The following DPP10 variants were observed in gnomAD, a reference collection of about 807,000 sequenced individuals.
DPP10 encodes the protein inactive dipeptidyl peptidase 10.
A neutral mutation model predicts 120.9 loss-of-function variants in DPP10; 33 were observed. That is an observed-to-expected ratio of 0.27 (90% CI 0.21 to 0.37). DPP10 has a LOEUF of 0.37. Ranked by LOEUF, DPP10 falls within the 10% of genes least tolerant of loss-of-function variation. The pLI, the probability that DPP10 is intolerant of heterozygous loss-of-function variation, is 1.00. For missense variants in DPP10, 816 were observed against 942.8 expected (o/e 0.87, Z 1.76); for synonymous variants, 337 against 326.1 (o/e 1.03, Z -0.36).
At chr2:114,992,273 G>A (rs1225249331) in intron 1 of DPP10, among the ~76,000 whole-genome samples, 5 of 152,058 alleles carry the variant, frequency 3.3e-5, no homozygotes, top group Non-Finnish European at 7.4e-5. Flanking sequence ...TTACTGTTTC[G>A]GCTGGTGTTT....
At chr2:115,122,861 C>T (rs2049894032) in intron 1 of DPP10, among the ~76,000 whole-genome samples, 2 of 152,296 alleles carry the variant, frequency 1.3e-5, no homozygotes, top group Admixed American at 6.5e-5. Flanking sequence ...CAAGGTCCTT[C>T]CCAACCCCAT....
At chr2:114,696,394 A>G (rs1700070346) in intron 1 of DPP10, among the ~76,000 whole-genome samples, 1 of 152,066 alleles carries the variant, frequency 6.6e-6, no homozygotes, top group Admixed American at 6.6e-5. Context: ...TGAACACACT[A>G]CAATGTTCTG....
intron 1 of DPP10, among the ~76,000 whole-genome samples, chr2:114,469,565 T>C (rs1176615794): frequency 6.6e-6 from 1 of 151,930 alleles, no homozygotes; most frequent in East Asian, 1.9e-4. Flanking sequence ...CCGTGTCTAC[T>C]AAAAATACAA....
At chr2:115,540,997 G>A (rs956379138) in intron 5 of DPP10, among the ~76,000 whole-genome samples, 15 of 151,720 alleles carry the variant, frequency 9.9e-5, no homozygotes, top group African/African-American at 3.1e-4. Context: ...CTAAGCAAAA[G>A]CATTTTTGTA....
chr2:114,837,325 G>T (rs371808909), intron 1 of DPP10, among the ~76,000 whole-genome samples: 1 of 152,020 alleles, frequency 6.6e-6, no homozygotes, highest in Non-Finnish European at 1.5e-5. Context: ...GTCTTCAGCC[G>T]GTCCCTCCGT....
intron 1 of DPP10, among the ~76,000 whole-genome samples, chr2:114,674,990 A>G (rs1698578607): frequency 6.6e-6 from 1 of 152,190 alleles, no homozygotes; most frequent in African/African-American, 2.4e-5. Flanking sequence ...GTAACCCTTC[A>G]CTTCATGGGT....
intron 1 of DPP10, among the ~76,000 whole-genome samples, chr2:114,508,988 T>C (rs1319573917): frequency 6.6e-6 from 1 of 151,302 alleles, no homozygotes; most frequent in Non-Finnish European, 1.5e-5. Context: ...ACATCTCCAG[T>C]GTGAGGAAAG....
At chr2:115,267,291 A>G (rs2105788423) in intron 1 of DPP10, among the ~76,000 whole-genome samples, 1 of 152,318 alleles carries the variant, frequency 6.6e-6, no homozygotes, top group South Asian at 2.1e-4. Flanking sequence ...AATTTAGCTT[A>G]CTAATTTCGA....
chr2:114,926,704 A>C (rs1397785846), intron 1 of DPP10, among the ~76,000 whole-genome samples: 1 of 152,098 alleles, frequency 6.6e-6, no homozygotes, highest in African/African-American at 2.4e-5. Flanking sequence ...TTAATATGGA[A>C]TCACACCCCT....
At chr2:114,774,183 A>G (rs1174896708) in intron 1 of DPP10, among the ~76,000 whole-genome samples, 2 of 152,060 alleles carry the variant, frequency 1.3e-5, no homozygotes, top group South Asian at 2.1e-4. Flanking sequence ...AATAAATAGT[A>G]TTTCTGTCCT....
intron 1 of DPP10, among the ~76,000 whole-genome samples, chr2:115,089,667 CAA>C (rs1709076518): frequency 6.6e-6 from 1 of 152,134 alleles, no homozygotes; most frequent in Non-Finnish European, 1.5e-5. Context: ...CAGAAGAACA[CAA>C]GAGCAGAATC....
At chr2:115,324,093 C>T (rs574067492) in intron 2 of DPP10, among the ~76,000 whole-genome samples, 5 of 152,100 alleles carry the variant, frequency 3.3e-5, no homozygotes, top group South Asian at 2.1e-4. Context: ...CTGGCTAACA[C>T]GATGAGAATC....
intron 1 of DPP10, among the ~76,000 whole-genome samples, chr2:114,649,055 T>TG (rs1696365571): frequency 1.3e-5 from 2 of 152,244 alleles, no homozygotes; most frequent in Non-Finnish European, 2.9e-5. Context: ...TAGAATGTGC[T>TG]GGTAATTTAC....
Position 114,587,301 on chromosome 2 carries a change from CAAA to C in DPP10, c.60+144481_60+144483del, listed in dbSNP as rs11364968. On this transcript the variant is annotated intron_variant, in intron 1 of 25. Transcript: ENST00000410059. ...GGGCAATAGGAGTGAAACTCCATCT[CAAA>C]AAAAAAAAAAAAAAAAATACACACA... 1.3e-3 allele frequency among the ~76,000 whole-genome samples: 133 copies of C among 103,178 alleles called. 1 individual carries two copies. The highest frequency in any genetic ancestry group is 5.1e-3 in the Middle Eastern group (1 of 196). The allele number at this position is 103,178 out of a possible 152,430, so 67.7% of individuals were successfully genotyped here. A position where few individuals can be genotyped will look rare whatever the true frequency, so the allele number is the denominator to read the frequency against.
At chr2:114,739,415 G>C (rs190797816) in intron 1 of DPP10, among the ~76,000 whole-genome samples, 1 of 152,146 alleles carries the variant, frequency 6.6e-6, no homozygotes, top group East Asian at 1.9e-4. Flanking sequence ...TCCCAGCACT[G>C]TGGGAGGCCA....
chr2:115,478,262 G>C (rs999512509), intron 3 of DPP10, among the ~76,000 whole-genome samples: 3 of 152,178 alleles, frequency 2.0e-5, no homozygotes, highest in African/African-American at 7.2e-5. Context: ...TCTCAAATAT[G>C]TGGTTAACTT....
At chr2:114,663,854 A>C (rs1161976104) in intron 1 of DPP10, among the ~76,000 whole-genome samples, 1 of 151,994 alleles carries the variant, frequency 6.6e-6, no homozygotes, top group Non-Finnish European at 1.5e-5. Context: ...TCTTCCTCTG[A>C]GGACTGAGTT....
intron 1 of DPP10, among the ~76,000 whole-genome samples, chr2:115,079,334 C>T (rs1055419342): frequency 1.3e-5 from 2 of 150,412 alleles, no homozygotes; most frequent in Non-Finnish European, 2.9e-5. Flanking sequence ...GAGCTGCACT[C>T]CAGCCTGGGC....
chr2:115,516,342 A>C (rs2077500958), intron 4 of DPP10, among the ~76,000 whole-genome samples: 1 of 152,084 alleles, frequency 6.6e-6, no homozygotes, highest in South Asian at 2.1e-4. Flanking sequence ...AGAAAGTGCC[A>C]CCAGGGATGT....
Sources: allele counts gnomAD v4.1 joint callset (sites outside exome capture counted in the v4.1 genomes callset), GRCh38; gene constraint gnomAD v4.1.1; transcripts MANE v1.5; gene names NCBI Gene and HGNC (gene_info 2026-07-23, HGNC 2026-07-21).